The following SOCS7 variants were observed in gnomAD, a reference collection of about 807,000 sequenced individuals.
SOCS7 encodes NAP-4.
SOCS7 carries 18 observed loss-of-function variants against 58.9 expected under a neutral mutation model. That is an observed-to-expected ratio of 0.31 (90% CI 0.21 to 0.45). The LOEUF (loss-of-function observed/expected upper bound fraction) is 0.45, where lower values mean the gene tolerates loss of function less well. Ranked by LOEUF, SOCS7 falls within the 20% of genes least tolerant of loss-of-function variation. The probability of loss-of-function intolerance (pLI) is 1.00; values close to 1 mark genes in which losing one functional copy is unlikely to be tolerated. For synonymous variants in SOCS7, 388 were observed against 364.3 expected (o/e 1.06, Z -0.74); for missense variants, 667 against 837.3 (o/e 0.80, Z 2.51).
At chr17:38,387,111 A>ATATATATATATGTGTGTG (rs2038081412) in intron 7 of SOCS7, among the ~76,000 whole-genome samples, 1 of 103,594 alleles carries the variant, frequency 9.7e-6, no homozygotes, top group Non-Finnish European at 1.8e-5. Flanking sequence ...AAATATATAT[A>ATATATATATATGTGTGTG]TATATATATA....
Position 38,352,098 on chromosome 17 carries a change from G to T in SOCS7, c.46G>T (p.Ala16Ser). The T allele has an allele frequency of 1.7e-6, 1 of 574,532 alleles. No individual in the cohort carries two copies. Among genetic ancestry groups the T allele is most frequent in the Non-Finnish European group, 2.4e-6 (1 of 420,162 alleles). 35.6% of individuals were successfully genotyped at this position (574,532 alleles called of 1,614,324 possible). Residue 16 changes from alanine (A) to serine (S), a missense_variant, in exon 1 of 10, where the codon GCT (alanine) becomes TCT (serine). Ala to Ser is a moderately conservative substitution (Grantham distance 99, BLOSUM62 1). This residue lies in a region of SOCS7 where 65 missense variants were observed against 51.0 expected (regional missense o/e 1.27). Transcript: ENST00000612932. The surrounding 1 kb of genome is among the most constrained non-coding windows in gnomAD (Gnocchi z 5.5). ...GGATGGCGAGGCGGCGGCGGCGGCC[G>T]CTTCGTACCGCGTCCTGAGCCGCCT... is the stretch of plus-strand genomic sequence containing the variant. ...LRDGEAAAAA[A>S]SYRVLSRLLG...
chr17:38,367,169 A>G (rs187409750), intron 5 of SOCS7, among the ~76,000 whole-genome samples: 3 of 151,948 alleles, frequency 2.0e-5, no homozygotes, highest in Admixed American at 1.3e-4. Context: ...GGTTCAAGCA[A>G]TTCTCCTGCC....
At chr17:38,377,207 T>TA (rs2037943098) in intron 6 of SOCS7, among the ~76,000 whole-genome samples, 1 of 152,242 alleles carries the variant, frequency 6.6e-6, no homozygotes, top group Admixed American at 6.5e-5. Flanking sequence ...TTAATGTTCA[T>TA]ACTCAGTGAA....
At chr17:38,396,981 T>C (rs2038252789) in intron 9 of SOCS7, among the ~76,000 whole-genome samples, 1 of 152,190 alleles carries the variant, frequency 6.6e-6, no homozygotes, top group South Asian at 2.1e-4. Flanking sequence ...GGTAGAGCAC[T>C]AGGGAGGTCC....
At chr17:38,374,449 G>A (rs2037906463) in intron 6 of SOCS7, among the ~76,000 whole-genome samples, 1 of 152,150 alleles carries the variant, frequency 6.6e-6, no homozygotes, top group Non-Finnish European at 1.5e-5. Context: ...CAAGGCTGCA[G>A]TGAACCGTGA....
At chr17:38,384,655 G>A (rs1202556494) in intron 7 of SOCS7, among the ~76,000 whole-genome samples, 1 of 151,456 alleles carries the variant, frequency 6.6e-6, no homozygotes, top group Non-Finnish European at 1.5e-5. Context: ...GCAGTGGTGC[G>A]ATCTCGGCTC....
At position 38,361,695 on chromosome 17, in the gene SOCS7, C is replaced by T; in HGVS notation, c.981-16C>T. 5.6e-6 allele frequency: 9 copies of T among 1,606,588 alleles called. No individual in the cohort carries two copies. Among genetic ancestry groups the T allele is most frequent in the Non-Finnish European group, 7.7e-6 (9 of 1,173,412 alleles). On this transcript the variant is annotated splice_polypyrimidine_tract_variant and intron_variant, in intron 1 of 9. Transcript: ENST00000612932. ...ATTTCTCCCCTCTATTCTCTCTCTG[C>T]TTTCTCACTCCCTAGGAAACCCAAG...
At chr17:38,366,678 T>G (rs2144336377) in intron 5 of SOCS7, among the ~76,000 whole-genome samples, 1 of 152,272 alleles carries the variant, frequency 6.6e-6, no homozygotes, top group East Asian at 1.9e-4. Flanking sequence ...TTATATTTTT[T>G]GTAGAGACTG....
Position 38,404,000 on chromosome 17 carries a change from A to G in SOCS7, c.*4518A>G, listed in dbSNP as rs931889473. ...AGAAAAAGAAAAAAAAAAGAAAGAA[A>G]AGTGTGCCCCCCTCCTATGCTGCGA... On this transcript the variant is annotated 3_prime_UTR_variant, in exon 10 of 10. Coordinates refer to ENST00000612932, the MANE Select transcript of SOCS7 (RefSeq NM_014598.4). The G allele has an allele frequency of 6.6e-6, 1 of 152,108 alleles. No homozygotes were observed. Among genetic ancestry groups the G allele is most frequent in the African/African-American group, 2.4e-5 (1 of 41,412 alleles). 9.4% of individuals were successfully genotyped at this position (152,108 alleles called of 1,614,324 possible).
chr17:38,387,096 A>AT lies in SOCS7; in HGVS notation c.1682-8213_1682-8212insT, dbSNP rs1476617496. On this transcript the variant is annotated intron_variant, in intron 7 of 9. Coordinates refer to ENST00000612932, the MANE Select transcript of SOCS7 (RefSeq NM_014598.4). The stretch of plus-strand genomic sequence containing the variant: ...GACTCTTATCTTAAAAAAAAAAAAA[A>AT]AAAAAAATATATATATATATATATA... 1.2e-3 allele frequency among the ~76,000 whole-genome samples: 107 copies of AT among 91,620 alleles called. 1 individual carries two copies. The highest frequency in any genetic ancestry group is 2.7e-3 in the East Asian group (10 of 3,638). The allele number at this position is 91,620 out of a possible 152,430, so 60.1% of individuals were successfully genotyped here. A position where few individuals can be genotyped will look rare whatever the true frequency, so the allele number is the denominator to read the frequency against.
chr17:38,364,823 C>T lies in SOCS7; in HGVS notation c.1117C>T (p.Pro373Ser). Residue 373 changes from proline to serine, a missense_variant, in exon 3 of 10, where the codon CCT becomes TCT. By Grantham distance (74) the Pro-to-Ser change is moderately conservative. Around this residue, in one of 9 missense-constraint regions of SOCS7, gnomAD observed 99 missense variants for 122.9 expected, o/e 0.81. Transcript: ENST00000612932. ...GACCTCTCCACACCCTCCAACTCCC[C>T]CTCCTCCTCCGAGAAGAAGCCTCAG... is the stretch of plus-strand genomic sequence containing the variant. Reference protein sequence around the residue: ...GLTSPHPPTPPPPPRRSLSLL... With the variant: ...GLTSPHPPTPSPPPRRSLSLL... 1 of 1,613,908 alleles carries T rather than the reference C, an allele frequency of 6.2e-7. No homozygotes were observed. The highest frequency in any genetic ancestry group is 2.2e-5 in the East Asian group (1 of 44,876).
chr17:38,352,835 C>T lies in SOCS7; in HGVS notation c.783C>T (p.Pro261=), dbSNP rs767381471. 1 of 1,570,222 alleles carries T rather than the reference C, an allele frequency of 6.4e-7. No homozygotes were observed. The highest frequency in any genetic ancestry group is 1.8e-5 in the Admixed American group (1 of 54,596). The change falls in exon 1 of 10, where the codon CCC becomes CCT. Residue 261 remains proline, a synonymous_variant. Transcript: ENST00000612932. This position sits in a 1 kb window ranked among gnomAD's most constrained non-coding sequence, Gnocchi z 5.5. The part of the protein sequence containing the change: ...QPPPPPPPPG[P]LRPLAGPSRK... The stretch of plus-strand genomic sequence containing the variant: ...CCCCGCCCCCGCCTCCTCCCGGGCC[C>T]CTCCGGCCACTCGCGGGTCCTTCTC...
At chr17:38,377,906 A>G in intron 7 of SOCS7, 64 bp downstream of exon 7, 1 of 1,510,780 alleles carries the variant, frequency 6.6e-7, no homozygotes, top group Non-Finnish European at 9.0e-7. Context: ...AGTGTCAAAA[A>G]ACACCATCCC....
rs1012500019 is a variant in SOCS7 at position 38,351,846 on chromosome 17, C to A, written c.-207C>A. On this transcript the variant is annotated 5_prime_UTR_variant, in exon 1 of 10. Transcript: ENST00000612932. ...TAAGCCCTTCCGGAAGTGACGTCGG[C>A]TTGGGGGCGGTGCTCGGCGGTGGCG... is the stretch of plus-strand genomic sequence containing the variant. Among the ~76,000 whole-genome samples the A allele has an allele frequency of 6.6e-6, 1 of 151,046 alleles. No homozygotes were observed. The highest frequency in any genetic ancestry group is 2.4e-5 in the African/African-American group (1 of 41,218).
chr17:38,377,947 C>T, intron 7 of SOCS7, 105 bp downstream of exon 7: 1 of 1,122,836 alleles, frequency 8.9e-7, no homozygotes, highest in Non-Finnish European at 1.3e-6. Flanking sequence ...CTTTTTTTCC[C>T]TGGCTGTTGG....
intron 9 of SOCS7, among the ~76,000 whole-genome samples, chr17:38,399,035 C>T (rs2038282297): frequency 6.6e-6 from 1 of 150,996 alleles, no homozygotes; most frequent in Non-Finnish European, 1.5e-5. Flanking sequence ...TTGCAGTGAG[C>T]CAAGATCATG....
chr17:38,373,945 G>A (rs534451525), intron 6 of SOCS7, among the ~76,000 whole-genome samples: 1 of 152,370 alleles, frequency 6.6e-6, no homozygotes, highest in East Asian at 1.9e-4. Flanking sequence ...AGTTGACCGG[G>A]TGGAGTGGCT....
At chr17:38,384,052 TC>T (rs1201480381) in intron 7 of SOCS7, among the ~76,000 whole-genome samples, 3 of 152,170 alleles carry the variant, frequency 2.0e-5, no homozygotes, top group Non-Finnish European at 4.4e-5. Context: ...GGGGCTCCCC[TC>T]CTTGCTCTGG....
chr17:38,369,596 TA>T (rs1333063927), intron 6 of SOCS7, among the ~76,000 whole-genome samples: 1 of 151,798 alleles, frequency 6.6e-6, no homozygotes, highest in Non-Finnish European at 1.5e-5. Flanking sequence ...CTGGGAATTA[TA>T]AATAAATACT....
Sources: gnomAD v4.1 joint callset for allele counts (sites outside exome capture counted in the v4.1 genomes callset) on GRCh38, gnomAD v4.1.1 for gene constraint, gnomAD v4.1.1 regional missense constraint, Gnocchi (gnomAD v3.1) non-coding constraint, MANE v1.5 for transcripts, NCBI Gene and HGNC (gene_info 2026-07-23, HGNC 2026-07-21) for gene names.